Variants in CADM2 observed in about 807,000 individuals in gnomAD.
CADM2 encodes the protein immunoglobulin superfamily member 4D.
A neutral mutation model predicts 49.8 loss-of-function variants in CADM2; 12 were observed. The observed-to-expected ratio is 0.24, with a 90% CI of 0.15 to 0.39. The LOEUF (loss-of-function observed/expected upper bound fraction) is 0.39, where lower values mean the gene tolerates loss of function less well. Ranked by LOEUF, CADM2 falls within the 10% of genes least tolerant of loss-of-function variation. The pLI, the probability that CADM2 is intolerant of heterozygous loss-of-function variation, is 1.00. For synonymous variants in CADM2, 214 were observed against 175.4 expected (o/e 1.22, Z -1.74); for missense variants, 378 against 492.3 (o/e 0.77, Z 2.20).
chr3:85,824,695 C>G (rs1389618470), intron 3 of CADM2, among the ~76,000 whole-genome samples: 1 of 151,998 alleles, frequency 6.6e-6, no homozygotes, highest in East Asian at 1.9e-4. Flanking sequence ...AGAAGTACAT[C>G]CCATATGTCA....
At chr3:85,023,640 A>G (rs1340576820) in intron 1 of CADM2, among the ~76,000 whole-genome samples, 1 of 152,130 alleles carries the variant, frequency 6.6e-6, no homozygotes, top group African/African-American at 2.4e-5. Flanking sequence ...ATTTAGAACT[A>G]TACTTATAAC....
rs141970800 is a variant in CADM2 at position 85,888,780 on chromosome 3, G to T, written c.529+2453G>T. ...CACAAAGTAAATATTCACTGTAGTT[G>T]CTGTTTCTGGATATGCTAAGCAAAA... is the stretch of plus-strand genomic sequence containing the variant. On this transcript the variant is annotated intron_variant, in intron 5 of 9. Transcript: ENST00000383699. Among the ~76,000 whole-genome samples, 187 of 152,198 alleles carry T rather than the reference G, an allele frequency of 1.2e-3. 1 individual carries two copies. The highest frequency in any genetic ancestry group is 4.2e-3 in the African/African-American group (175 of 41,530).
At chr3:85,959,060 ATATC>A (rs1230125887) in intron 7 of CADM2, among the ~76,000 whole-genome samples, 1 of 150,922 alleles carries the variant, frequency 6.6e-6, no homozygotes, top group Non-Finnish European at 1.5e-5. Flanking sequence ...CTATATATCT[ATATC>A]TATATATCTA....
chr3:85,183,772 G>A (rs1043026399), intron 1 of CADM2, among the ~76,000 whole-genome samples: 1 of 152,196 alleles, frequency 6.6e-6, no homozygotes, highest in East Asian at 1.9e-4. Context: ...AATGCAAGGC[G>A]AATTTGTAGA....
intron 1 of CADM2, among the ~76,000 whole-genome samples, chr3:85,437,107 G>C (rs991275680): frequency 3.3e-5 from 5 of 152,034 alleles, no homozygotes; most frequent in Non-Finnish European, 1.5e-5. Flanking sequence ...ATAGTATGTA[G>C]CCTTTTCATG....
At chr3:85,427,191 T>TAC (rs2036451505) in intron 1 of CADM2, among the ~76,000 whole-genome samples, 1 of 95,230 alleles carries the variant, frequency 1.1e-5, no homozygotes, top group Admixed American at 1.2e-4. Flanking sequence ...TATATATATA[T>TAC]ATATATATAT....
Position 85,011,676 on chromosome 3 carries a change from C to T in CADM2, c.61+52008C>T, listed in dbSNP as rs190646731. ...CTTTTGGGGGCCAACACAGGAGGAT[C>T]GCTCGAGCTCAGCCTGGGCAACACA... On this transcript the variant is annotated intron_variant, in intron 1 of 9. Transcript: ENST00000383699. Among the ~76,000 whole-genome samples, 216 of 151,862 alleles carry T rather than the reference C, an allele frequency of 1.4e-3. 1 individual carries two copies. The highest frequency in any genetic ancestry group is 2.3e-3 in the Non-Finnish European group (156 of 67,966).
chr3:85,243,204 T>G (rs887637747), intron 1 of CADM2, among the ~76,000 whole-genome samples: 5 of 151,942 alleles, frequency 3.3e-5, no homozygotes, highest in Non-Finnish European at 5.9e-5. Flanking sequence ...TGTATTTCAA[T>G]AGCAATATTT....
At chr3:86,019,807 A>T (rs2107018980) in intron 8 of CADM2, among the ~76,000 whole-genome samples, 1 of 152,220 alleles carries the variant, frequency 6.6e-6, no homozygotes, top group East Asian at 1.9e-4. Context: ...CTAGATATAC[A>T]ATCATGTCGT....
At chr3:85,421,362 G>A (rs1029612032) in intron 1 of CADM2, among the ~76,000 whole-genome samples, 2 of 152,150 alleles carry the variant, frequency 1.3e-5, no homozygotes, top group Non-Finnish European at 2.9e-5. Flanking sequence ...ATTTTTAAGA[G>A]TGTAGGCGAT....
intron 5 of CADM2, 55 bp from the exon 6 acceptor site, chr3:85,912,318 C>G (rs939163514): frequency 1.5e-6 from 2 of 1,310,942 alleles, no homozygotes; most frequent in African/African-American, 3.0e-5. Flanking sequence ...TGAGTAAATG[C>G]AATCTGTTTT....
chr3:86,056,713 T>G (rs1407043926), intron 8 of CADM2, among the ~76,000 whole-genome samples: 1 of 152,196 alleles, frequency 6.6e-6, no homozygotes, highest in African/African-American at 2.4e-5. Flanking sequence ...TGATTGTATC[T>G]CTAAGCTAAA....
intron 1 of CADM2, among the ~76,000 whole-genome samples, chr3:85,110,304 A>C (rs555353092): frequency 5.5e-4 from 84 of 151,756 alleles, no homozygotes; most frequent in African/African-American, 1.8e-3. Context: ...GGCAGATTTT[A>C]TTTCTATCAT....
intron 1 of CADM2, among the ~76,000 whole-genome samples, chr3:84,971,629 A>G (rs1575945011): frequency 6.6e-6 from 1 of 152,212 alleles, no homozygotes; most frequent in Middle Eastern, 3.4e-3. Context: ...GCTTTACCCA[A>G]TTTTATTGAC....
In CADM2 at chr3:86,032,669, T is replaced by C. The variant is rs1402227588; in HGVS notation, c.971-32936T>C. Among the ~76,000 whole-genome samples, 4 of 151,990 alleles carry C rather than the reference T, an allele frequency of 2.6e-5. No individual in the cohort carries two copies. In the East Asian group the frequency reaches 7.7e-4, roughly 29 times the overall value. ...ATTCGGATATGACCAAAAATGATAT[T>C]ATAATCAGTTATTGTTTTAGAACTA... is the stretch of plus-strand genomic sequence containing the variant. On this transcript the variant is annotated intron_variant, in intron 8 of 9. Coordinates refer to ENST00000383699, the MANE Select transcript of CADM2 (RefSeq NM_001167675.2).
chr3:85,987,775 G>A (rs1328979594), intron 8 of CADM2, among the ~76,000 whole-genome samples: 2 of 149,962 alleles, frequency 1.3e-5, no homozygotes, highest in Admixed American at 6.7e-5. Flanking sequence ...CGAGGCTAAA[G>A]TGAGTTATTA....
At chr3:85,777,244 A>AATTATTATTATTATT (rs71112117) in intron 2 of CADM2, among the ~76,000 whole-genome samples, 13,045 of 148,648 alleles carry the variant, frequency 0.088, 743 homozygotes, top group Middle Eastern at 0.13. Flanking sequence ...GTTTTTAAAA[A>AATTATTATTATTATT]ATTATTATTA....
chr3:85,164,554 T>C (rs1224226876), intron 1 of CADM2, among the ~76,000 whole-genome samples: 1 of 152,068 alleles, frequency 6.6e-6, no homozygotes, highest in Non-Finnish European at 1.5e-5. Flanking sequence ...TTTCAGTATT[T>C]AAAGGCAATG....
At chr3:85,749,498 G>A (rs1419816509) in intron 2 of CADM2, among the ~76,000 whole-genome samples, 2 of 151,720 alleles carry the variant, frequency 1.3e-5, no homozygotes, top group Admixed American at 1.3e-4. Context: ...GTTAGAAATT[G>A]CCAATCTAAA....
Sources: allele counts gnomAD v4.1 joint callset (sites outside exome capture counted in the v4.1 genomes callset), GRCh38; gene constraint gnomAD v4.1.1; transcripts MANE v1.5; gene names NCBI Gene and HGNC (gene_info 2026-07-23, HGNC 2026-07-21).